AFF1: variants seen among roughly 807,000 people sequenced by gnomAD.
AFF1 encodes the protein AF4/FMR2 family member 1.
AFF1 carries 48 observed loss-of-function variants against 121.7 expected under a neutral mutation model. The observed-to-expected ratio is 0.39, with a 90% CI of 0.31 to 0.50. The LOEUF (loss-of-function observed/expected upper bound fraction) is 0.50. Ranked by LOEUF, AFF1 falls within the 20% of genes least tolerant of loss-of-function variation. The pLI, the probability that AFF1 is intolerant of heterozygous loss-of-function variation, is 0.76. For synonymous variants in AFF1, 613 were observed against 563.0 expected (o/e 1.09, Z -1.26); for missense variants, 1,523 against 1,511.7 (o/e 1.01, Z -0.12).
chr4:87,032,008 G>C (rs755892946), intron 2 of AFF1, among the ~76,000 whole-genome samples: 5 of 152,172 alleles, frequency 3.3e-5, no homozygotes, highest in African/African-American at 1.2e-4. Flanking sequence ...GTGAAAAGAT[G>C]ATATATTCTG....
At chr4:86,975,528 G>C (rs1723241330) in intron 2 of AFF1, among the ~76,000 whole-genome samples, 1 of 152,184 alleles carries the variant, frequency 6.6e-6, no homozygotes, top group Admixed American at 6.5e-5. Flanking sequence ...TGGGATTACA[G>C]GTGTGAGCCA....
At chr4:87,067,719 C>G (rs1446028231) in intron 4 of AFF1, among the ~76,000 whole-genome samples, 5 of 152,256 alleles carry the variant, frequency 3.3e-5, no homozygotes, top group Middle Eastern at 3.4e-3. Flanking sequence ...GAACTCAGTT[C>G]CTGTAGAATT....
At chr4:87,030,103 A>C (rs1187990812) in intron 2 of AFF1, among the ~76,000 whole-genome samples, 1 of 152,120 alleles carries the variant, frequency 6.6e-6, no homozygotes, top group Non-Finnish European at 1.5e-5. Flanking sequence ...TTTCAGAAGC[A>C]GTCTCTATTC....
chr4:87,022,590 A>ATC (rs1728081366), intron 2 of AFF1, among the ~76,000 whole-genome samples: 1 of 90,536 alleles, frequency 1.1e-5, no homozygotes, highest in East Asian at 3.6e-4. Context: ...ATATCTATCT[A>ATC]TATCTATCTG....
chr4:87,027,876 C>T (rs1246975283), intron 2 of AFF1, among the ~76,000 whole-genome samples: 2 of 147,824 alleles, frequency 1.4e-5, no homozygotes, highest in African/African-American at 2.5e-5. Context: ...CCATTGCAAC[C>T]TCTGCCTCCT....
intron 4 of AFF1, among the ~76,000 whole-genome samples, chr4:87,078,363 G>C (rs933906896): frequency 6.6e-6 from 1 of 152,164 alleles, no homozygotes; most frequent in Non-Finnish European, 1.5e-5. Flanking sequence ...TGAGTTCCGG[G>C]ACTGAAAACA....
At chr4:86,954,483 AG>A (rs1721600089) in intron 2 of AFF1, among the ~76,000 whole-genome samples, 1 of 152,200 alleles carries the variant, frequency 6.6e-6, no homozygotes, top group African/African-American at 2.4e-5. Flanking sequence ...GCACTTTGAG[AG>A]GCTGAGGTGG....
intron 2 of AFF1, among the ~76,000 whole-genome samples, chr4:86,953,680 A>G (rs1721536871): frequency 6.6e-6 from 1 of 152,122 alleles, no homozygotes; most frequent in African/African-American, 2.4e-5. Context: ...AGACTGAAAA[A>G]GGCAGACATT....
At chr4:87,118,326 A>G (rs1258159794) in intron 12 of AFF1, among the ~76,000 whole-genome samples, 2 of 152,198 alleles carry the variant, frequency 1.3e-5, no homozygotes, top group Non-Finnish European at 2.9e-5. Context: ...TTACTACTCT[A>G]CAACAGTGGG....
At chr4:86,937,186 A>G (rs957571802) in intron 1 of AFF1, among the ~76,000 whole-genome samples, 6 of 152,244 alleles carry the variant, frequency 3.9e-5, no homozygotes, top group Non-Finnish European at 1.5e-5. Flanking sequence ...CACTGTAACA[A>G]TTGAATTTGT....
intron 4 of AFF1, among the ~76,000 whole-genome samples, chr4:87,051,035 C>A (rs1731212443): frequency 6.6e-6 from 1 of 152,102 alleles, no homozygotes; most frequent in Non-Finnish European, 1.5e-5. Context: ...GCTAGATAGG[C>A]TTTTTATTGA....
intron 1 of AFF1, among the ~76,000 whole-genome samples, chr4:86,944,539 T>C (rs1278149684): frequency 6.6e-6 from 1 of 152,002 alleles, no homozygotes; most frequent in African/African-American, 2.4e-5. Context: ...AGAGATGGGG[T>C]TTCACCATGT....
intron 2 of AFF1, among the ~76,000 whole-genome samples, chr4:86,953,847 G>A (rs1031133759): frequency 6.8e-6 from 1 of 147,968 alleles, no homozygotes; most frequent in Non-Finnish European, 1.5e-5. Flanking sequence ...AGCCTCCCGA[G>A]TAGCTGGCGC....
At chr4:86,969,673 G>T (rs1722789994) in intron 2 of AFF1, among the ~76,000 whole-genome samples, 1 of 151,362 alleles carries the variant, frequency 6.6e-6, no homozygotes, top group African/African-American at 2.4e-5. Context: ...GAGGTCGGGA[G>T]ATCGAGACCA....
chr4:87,000,747 G>A (rs1041862909), intron 2 of AFF1, among the ~76,000 whole-genome samples: 4 of 151,584 alleles, frequency 2.6e-5, no homozygotes, highest in African/African-American at 9.7e-5. Context: ...GGTAAGGAAG[G>A]GCATGTTTTA....
rs1560547439 is a variant in AFF1, at chr4:87,022,588, C to CA, written c.39-23578_39-23577insA. 1.9e-3 allele frequency among the ~76,000 whole-genome samples: 204 copies of CA among 108,266 alleles called. 3 individuals are homozygous for CA. The highest frequency in any genetic ancestry group is 6.6e-3 in the African/African-American group (188 of 28,282). 71.0% of individuals were successfully genotyped at this position (108,266 alleles called of 152,430 possible). On this transcript the variant is annotated intron_variant, in intron 2 of 20. Transcript: ENST00000395146. ...TATATATATATATATATATATCTAT[C>CA]TATATCTATCTGTGTGTATATATAT...
intron 4 of AFF1, among the ~76,000 whole-genome samples, chr4:87,053,951 T>C (rs1163316067): frequency 3.3e-5 from 5 of 152,114 alleles, no homozygotes; most frequent in Non-Finnish European, 7.4e-5. Flanking sequence ...TGAGTAGGAG[T>C]GGCCCAAGTG....
rs148811637 is a variant in AFF1, at chr4:87,138,656, C to T, written c.*2955C>T. 8.9e-6 allele frequency: 2 copies of T among 223,622 alleles called. No homozygotes were observed. The highest frequency in any genetic ancestry group is 1.8e-5 in the Non-Finnish European group (2 of 113,424). 13.9% of individuals were successfully genotyped at this position (223,622 alleles called of 1,614,324 possible). On this transcript the variant is annotated 3_prime_UTR_variant, in exon 21 of 21. Transcript: ENST00000395146. Reference sequence around the variant, plus strand: ...CTTTACTAAAATTTATCAAATTATACTGGGTTCGGATTGTGAAAACATTGG... The same window carrying T: ...CTTTACTAAAATTTATCAAATTATATTGGGTTCGGATTGTGAAAACATTGG...
intron 2 of AFF1, chr4:86,949,957 G>T: frequency 6.2e-7 from 1 of 1,614,214 alleles, no homozygotes; most frequent in Non-Finnish European, 8.5e-7. Flanking sequence ...GCAGGGCCAT[G>T]TGGATGGAGA....
Sources: gnomAD v4.1 joint callset for allele counts (sites outside exome capture counted in the v4.1 genomes callset) on GRCh38, gnomAD v4.1.1 for gene constraint, MANE v1.5 for transcripts, NCBI Gene and HGNC (gene_info 2026-07-23, HGNC 2026-07-21) for gene names.